The following ZFHX3 variants were observed in gnomAD, a reference collection of about 807,000 sequenced individuals.
ZFHX3 encodes the protein zinc finger homeobox protein 3.
ZFHX3 carries 42 observed loss-of-function variants against 279.1 expected under a neutral mutation model. The observed-to-expected ratio is 0.15, with a 90% CI of 0.12 to 0.19. The LOEUF is 0.19. Ranked by LOEUF, ZFHX3 falls within the 10% of genes least tolerant of loss-of-function variation. ZFHX3 has a pLI of 1.00. For missense variants in ZFHX3, 4,981 were observed against 4,754.0 expected, an observed-to-expected ratio of 1.05 and a Z score of -1.40; for synonymous variants, 2,293 against 1,957.8, an observed-to-expected ratio of 1.17 and a Z score of -4.52.
chr16:72,929,041 CA>C (rs1959645145), intron 3 of ZFHX3, among the ~76,000 whole-genome samples: 1 of 151,752 alleles, frequency 6.6e-6, no homozygotes, highest in Non-Finnish European at 1.5e-5. Flanking sequence ...AGTTCAAGAA[CA>C]GTCAGGCCAA....
chr16:73,013,326 C>T (rs779864602), intron 1 of ZFHX3, among the ~76,000 whole-genome samples: 16 of 152,134 alleles, frequency 1.1e-4, no homozygotes, highest in Non-Finnish European at 1.8e-4. Flanking sequence ...CTTGCTCTGT[C>T]GCCCAGGTTG....
At chr16:73,888,099 C>A (rs1359505815) in intron 1 of ZFHX3, among the ~76,000 whole-genome samples, 6 of 152,146 alleles carry the variant, frequency 3.9e-5, no homozygotes, top group African/African-American at 1.4e-4. Flanking sequence ...CTCCCTACCG[C>A]AAGCTATAAA....
At chr16:73,684,838 T>C (rs2053063012) in intron 1 of ZFHX3, among the ~76,000 whole-genome samples, 1 of 151,520 alleles carries the variant, frequency 6.6e-6, no homozygotes, top group African/African-American at 2.4e-5. Flanking sequence ...GTAGCTGGGA[T>C]TACAGGCACG....
chr16:72,954,367 T>C (rs1047765643), intron 2 of ZFHX3, among the ~76,000 whole-genome samples: 3 of 152,028 alleles, frequency 2.0e-5, no homozygotes, highest in African/African-American at 7.2e-5. Flanking sequence ...TGAAACTCCA[T>C]CTCAAAAAAA....
At chr16:73,467,842 T>C (rs2018599683) in intron 2 of ZFHX3, among the ~76,000 whole-genome samples, 1 of 152,202 alleles carries the variant, frequency 6.6e-6, no homozygotes. Flanking sequence ...TCCTGCTGAC[T>C]TCCAGCTCCT....
intron 3 of ZFHX3, among the ~76,000 whole-genome samples, chr16:73,369,070 G>A (rs967801766): frequency 1.3e-5 from 2 of 152,212 alleles, no homozygotes; most frequent in Non-Finnish European, 2.9e-5. Flanking sequence ...TGAGGATTGA[G>A]ATGAGCGAGA....
chr16:73,412,284 G>T (rs566872143), intron 3 of ZFHX3, among the ~76,000 whole-genome samples: 1 of 144,934 alleles, frequency 6.9e-6, no homozygotes, highest in African/African-American at 2.6e-5. Context: ...CCATAATCAC[G>T]CCACGGCACT....
chr16:72,956,367 G>A (rs1961249793), intron 2 of ZFHX3, among the ~76,000 whole-genome samples: 1 of 152,190 alleles, frequency 6.6e-6, no homozygotes, highest in South Asian at 2.1e-4. Context: ...TCCATTAGCA[G>A]CGTCACGGGA....
At chr16:73,129,469 T>C (rs1407584104) in intron 7 of ZFHX3, among the ~76,000 whole-genome samples, 4 of 151,636 alleles carry the variant, frequency 2.6e-5, no homozygotes, top group Admixed American at 1.3e-4. Context: ...CATGAGACCA[T>C]TTCACAATTT....
chr16:73,795,338 G>A (rs186493360), intron 1 of ZFHX3, among the ~76,000 whole-genome samples: 3 of 152,278 alleles, frequency 2.0e-5, no homozygotes, highest in Non-Finnish European at 4.4e-5. Flanking sequence ...TCTTGCTCAG[G>A]CAGCCAAAGC....
intron 5 of ZFHX3, among the ~76,000 whole-genome samples, chr16:73,164,230 G>A (rs752271255): frequency 6.6e-6 from 1 of 152,162 alleles, no homozygotes; most frequent in Non-Finnish European, 1.5e-5. Context: ...GCTGTGAGAA[G>A]CTGAGTCATG....
intron 1 of ZFHX3, among the ~76,000 whole-genome samples, chr16:72,962,566 G>A (rs368795411): frequency 3.3e-5 from 5 of 152,316 alleles, no homozygotes; most frequent in East Asian, 3.9e-4. Flanking sequence ...CTTTCCATGC[G>A]CACCAGCTGT....
At chr16:73,654,215 G>A (rs12443676) in intron 2 of ZFHX3, among the ~76,000 whole-genome samples, 90,902 of 150,448 alleles carry the variant, frequency 0.6, 28,721 homozygotes, top group Middle Eastern at 0.83. Flanking sequence ...AAAAGAGAAT[G>A]TTACAAAAAA....
intron 2 of ZFHX3, among the ~76,000 whole-genome samples, chr16:73,569,426 A>G (rs2051712057): frequency 6.6e-6 from 1 of 151,854 alleles, no homozygotes; most frequent in Non-Finnish European, 1.5e-5. Context: ...AAAAACTCCG[A>G]AAGAGATACC....
At chr16:73,625,801 G>A (rs537903038) in intron 2 of ZFHX3, among the ~76,000 whole-genome samples, 2 of 152,298 alleles carry the variant, frequency 1.3e-5, no homozygotes, top group East Asian at 1.9e-4. Flanking sequence ...CAGAACCACC[G>A]AGCAGCGAAG....
Position 72,788,419 on chromosome 16 carries a change from G to C in ZFHX3, c.9857C>G (p.Ala3286Gly). 2.5e-6 allele frequency: 4 copies of C among 1,614,238 alleles called. No homozygotes were observed. The highest frequency in any genetic ancestry group is 3.4e-6 in the Non-Finnish European group (4 of 1,180,044). ...LPTMEYAVDP[A>G]QLQALQAALT... ...CGCGGCCTGCAGGGCCTGCAGCTGT[G>C]CAGGGTCTACCGCATACTCCATGGT... Residue 3286 changes from alanine to glycine, a missense_variant, in exon 10 of 10, where the codon GCA becomes GGA. This residue lies in a region of ZFHX3 where 1,034 missense variants were observed against 786.0 expected (regional missense o/e 1.32). Coordinates refer to ENST00000268489, the MANE Select transcript of ZFHX3 (RefSeq NM_006885.4).
intron 5 of ZFHX3, among the ~76,000 whole-genome samples, chr16:73,197,373 G>C (rs983672337): frequency 1.3e-5 from 2 of 152,204 alleles, no homozygotes; most frequent in African/African-American, 2.4e-5. Context: ...ATGAAGTAGA[G>C]GACAAGCTAG....
At position 73,037,000 on chromosome 16, in the gene ZFHX3, C is replaced by T. The variant is rs145625831; in HGVS notation, c.-50+10752G>A. On this transcript the variant is annotated intron_variant, in intron 1 of 9. Transcript: ENST00000268489. ...AGACAACATCCAAAAATCAGAAGAA[C>T]TGCCCATTTCATCCTTACTGCTGCG... 5.5e-3 allele frequency among the ~76,000 whole-genome samples: 831 copies of T among 152,184 alleles called. 4 individuals carry two copies. The highest frequency in any genetic ancestry group is 6.4e-3 in the Non-Finnish European group (437 of 67,992).
At chr16:73,428,917 A>AG (rs2017860384) in intron 3 of ZFHX3, among the ~76,000 whole-genome samples, 1 of 152,154 alleles carries the variant, frequency 6.6e-6, no homozygotes, top group Non-Finnish European at 1.5e-5. Flanking sequence ...TGAATACTGC[A>AG]GGGGCCTCCA....
Sources: gnomAD v4.1 joint callset for allele counts (sites outside exome capture counted in the v4.1 genomes callset) on GRCh38, gnomAD v4.1.1 for gene constraint, gnomAD v4.1.1 regional missense constraint, MANE v1.5 for transcripts, NCBI Gene and HGNC (gene_info 2026-07-23, HGNC 2026-07-21) for gene names.